CPNE5: variants seen among roughly 807,000 people sequenced by gnomAD.
CPNE5 encodes copine 5.
CPNE5 carries 42 observed loss-of-function variants against 81.1 expected under a neutral mutation model. The ratio of observed to expected loss-of-function variants is 0.52; its 90% CI spans 0.40 to 0.67. The LOEUF is 0.67. Among genes scored for constraint, CPNE5 ranks in the 30% least tolerant of loss-of-function variants. The probability of loss-of-function intolerance (pLI) is 0.00; values close to 1 mark genes in which losing one functional copy is unlikely to be tolerated. For missense variants in CPNE5, 612 were observed against 815.5 expected (o/e 0.75, Z 3.04); for synonymous variants, 313 against 321.5 (o/e 0.97, Z 0.28).
intron 11 of CPNE5, among the ~76,000 whole-genome samples, chr6:36,764,768 G>A (rs866484607): frequency 1.3e-5 from 2 of 152,194 alleles, no homozygotes; most frequent in South Asian, 4.1e-4. Flanking sequence ...ACGCCTCGTA[G>A]CTCTCCCTTC....
intron 1 of CPNE5, among the ~76,000 whole-genome samples, chr6:36,829,302 T>TG (rs2150609091): frequency 1.3e-5 from 2 of 149,090 alleles, no homozygotes; most frequent in Non-Finnish European, 3.0e-5. Flanking sequence ...TTGAGACCAG[T>TG]GTGGGCAACA....
intron 3 of CPNE5, among the ~76,000 whole-genome samples, chr6:36,817,861 C>A (rs745681525): frequency 6.6e-6 from 1 of 152,134 alleles, no homozygotes; most frequent in Non-Finnish European, 1.5e-5. Context: ...GTTCTAGAAA[C>A]CAGGACTCCC....
chr6:36,795,003 T>C (rs975043429), intron 6 of CPNE5, among the ~76,000 whole-genome samples: 17 of 152,126 alleles, frequency 1.1e-4, no homozygotes, highest in Non-Finnish European at 2.9e-5. Flanking sequence ...TGGGAACCCC[T>C]GTTCTCCCTT....
At chr6:36,763,108 AGG>A in intron 11 of CPNE5, 116 bp from the exon 12 acceptor site, 1 of 872,026 alleles carries the variant, frequency 1.1e-6, no homozygotes, top group Non-Finnish European at 1.9e-6. Context: ...ACTCCACTCC[AGG>A]GGCACACGCC....
intron 3 of CPNE5, among the ~76,000 whole-genome samples, chr6:36,803,034 G>A (rs968190777): frequency 2.0e-5 from 3 of 152,238 alleles, no homozygotes; most frequent in Admixed American, 6.5e-5. Flanking sequence ...CAGCCTGAGC[G>A]ACAGAGAAAG....
chr6:36,791,624 C>G (rs969568028), intron 8 of CPNE5, among the ~76,000 whole-genome samples: 3 of 152,136 alleles, frequency 2.0e-5, no homozygotes, highest in African/African-American at 7.2e-5. Context: ...TACTCCAGAG[C>G]TGAAAGTGAA....
chr6:36,787,147 C>G (rs565070110), intron 8 of CPNE5, among the ~76,000 whole-genome samples: 24 of 152,304 alleles, frequency 1.6e-4, no homozygotes, highest in Admixed American at 1.3e-3. Flanking sequence ...CACCACCTCC[C>G]CCACTTACTT....
chr6:36,777,764 CACCACACACACA>C (rs781174265), intron 9 of CPNE5, among the ~76,000 whole-genome samples: 6 of 11,546 alleles, frequency 5.2e-4, no homozygotes, highest in South Asian at 3.2e-3. Flanking sequence ...CCCCCCCCCC[CACCACACACACA>C]CACACACACA....
chr6:36,784,430 G>A (rs1369586349), intron 8 of CPNE5, among the ~76,000 whole-genome samples: 1 of 152,210 alleles, frequency 6.6e-6, no homozygotes, highest in Non-Finnish European at 1.5e-5. Context: ...TGCCTTGGAA[G>A]GTCACTCTGC....
intron 15 of CPNE5, among the ~76,000 whole-genome samples, chr6:36,747,336 G>T (rs992545293): frequency 2.0e-5 from 3 of 152,028 alleles, no homozygotes; most frequent in African/African-American, 7.3e-5. Flanking sequence ...AGCACAGATT[G>T]CCAAGGTACC....
chr6:36,757,333 G>C, intron 12 of CPNE5: 1 of 985,332 alleles, frequency 1.0e-6, no homozygotes, highest in Non-Finnish European at 1.2e-6. Context: ...CCCTTTCCCT[G>C]TCTTTGTTCC....
At position 36,766,284 on chromosome 6, in the gene CPNE5, G is replaced by A. The variant is rs551290086; in HGVS notation, c.738-908C>T. On this transcript the variant is annotated intron_variant, in intron 10 of 20. Transcript: ENST00000244751. This position sits in a 1 kb window ranked among gnomAD's most constrained non-coding sequence, Gnocchi z 4.2. Reference sequence around the variant, plus strand: ...ATCCCATCATCTCGCCCATCTCCTCGGGCCTGCCAGGAGTCAGCCTTGGGC... The same window carrying A: ...ATCCCATCATCTCGCCCATCTCCTCAGGCCTGCCAGGAGTCAGCCTTGGGC... Among the ~76,000 whole-genome samples the A allele has an allele frequency of 6.6e-6, 1 of 152,126 alleles. No individual in the cohort carries two copies. The highest frequency in any genetic ancestry group is 2.4e-5 in the African/African-American group (1 of 41,418).
chr6:36,757,528 A>T (rs1765601579), intron 12 of CPNE5: 1 of 173,980 alleles, frequency 5.7e-6, no homozygotes. Context: ...TGGTGCATAC[A>T]TTGGTGCCAC....
Position 36,778,491 on chromosome 6 carries a change from G to C in CPNE5, c.632+363C>G, listed in dbSNP as rs114584239. Among the ~76,000 whole-genome samples, 760 of 152,274 alleles carry C rather than the reference G, an allele frequency of 5.0e-3. 6 individuals carry two copies. Among genetic ancestry groups the C allele is most frequent in the African/African-American group, 0.015 (618 of 41,534 alleles). On this transcript the variant is annotated intron_variant, in intron 9 of 20. Coordinates refer to ENST00000244751, the MANE Select transcript of CPNE5 (RefSeq NM_020939.2). Reference sequence around the variant, plus strand: ...TGGGCTTGGAGCTAGGAGCTGATTTGTGTAGAATGAAGGAGCTATCAGAGG... The same window carrying C: ...TGGGCTTGGAGCTAGGAGCTGATTTCTGTAGAATGAAGGAGCTATCAGAGG...
intron 8 of CPNE5, among the ~76,000 whole-genome samples, chr6:36,788,393 GA>G (rs1272484187): frequency 6.6e-6 from 1 of 152,160 alleles, no homozygotes; most frequent in Non-Finnish European, 1.5e-5. Context: ...ACAAGGGACA[GA>G]AGGTCGGTGA....
At chr6:36,801,525 A>G (rs1467255407) in intron 3 of CPNE5, among the ~76,000 whole-genome samples, 1 of 152,208 alleles carries the variant, frequency 6.6e-6, no homozygotes, top group Non-Finnish European at 1.5e-5. Flanking sequence ...TGCTCAATAC[A>G]GTAGACATTT....
intron 8 of CPNE5, among the ~76,000 whole-genome samples, chr6:36,783,920 G>A (rs1259154899): frequency 2.0e-5 from 3 of 152,190 alleles, no homozygotes; most frequent in African/African-American, 7.2e-5. Context: ...AAGACAGTCT[G>A]GCTCCAAAGA....
Position 36,741,656 on chromosome 6 carries a change from C to A in CPNE5, c.*612G>T. 6.6e-6 allele frequency: 1 copy of A among 152,434 alleles called. No individual in the cohort carries two copies. Among genetic ancestry groups the A allele is most frequent in the Non-Finnish European group, 1.5e-5 (1 of 68,142 alleles). 9.4% of individuals were successfully genotyped at this position (152,434 alleles called of 1,614,324 possible). A position where few individuals can be genotyped will look rare whatever the true frequency, so the allele number is the denominator to read the frequency against. On this transcript the variant is annotated 3_prime_UTR_variant, in exon 21 of 21. Transcript: ENST00000244751. Reference sequence around the variant, plus strand: ...GAGAGGCACCAGAAAGGGCTCTGTGCTGAGCAGCCTCCACTTCAGGCCCAT... The same window carrying A: ...GAGAGGCACCAGAAAGGGCTCTGTGATGAGCAGCCTCCACTTCAGGCCCAT...
chr6:36,748,486 G>A (rs1764438307), intron 14 of CPNE5, among the ~76,000 whole-genome samples: 2 of 152,158 alleles, frequency 1.3e-5, no homozygotes, highest in South Asian at 4.1e-4. Context: ...TTATGCAGTA[G>A]GAAAGCTCTT....
Sources: gnomAD v4.1 joint callset for allele counts (sites outside exome capture counted in the v4.1 genomes callset) on GRCh38, gnomAD v4.1.1 for gene constraint, Gnocchi (gnomAD v3.1) non-coding constraint, MANE v1.5 for transcripts, NCBI Gene and HGNC (gene_info 2026-07-23, HGNC 2026-07-21) for gene names.